The following PRKDC variants were observed in gnomAD, a reference collection of about 807,000 sequenced individuals.
PRKDC encodes the protein DNA-dependent protein kinase catalytic subunit.
Under a neutral mutation model 486.9 loss-of-function variants are expected in PRKDC, and 82 were observed. That is an observed-to-expected ratio of 0.17 (90% CI 0.14 to 0.20). The LOEUF (loss-of-function observed/expected upper bound fraction) is 0.20, where lower values mean the gene tolerates loss of function less well. Among genes scored for constraint, PRKDC ranks in the 10% least tolerant of loss-of-function variants. PRKDC has a pLI of 1.00. For synonymous variants in PRKDC, 1,895 were observed against 1,837.0 expected, an observed-to-expected ratio of 1.03 and a Z score of -0.81; for missense variants, 4,504 against 5,038.2, an observed-to-expected ratio of 0.89 and a Z score of 3.21.
Position 47,898,557 on chromosome 8 carries a change from T to G in PRKDC, c.3377A>C (p.Gln1126Pro). 3 of 1,483,798 alleles carry G rather than the reference T, an allele frequency of 2.0e-6. No individual in the cohort carries two copies. Among genetic ancestry groups the G allele is most frequent in the Non-Finnish European group, 2.7e-6 (3 of 1,097,134 alleles). 91.9% of individuals were successfully genotyped at this position (1,483,798 alleles called of 1,614,324 possible). ...TAGGTGATCAATGGCATCACAACAC[T>G]GTTGAATTGTACCTGTTCTCAAGTA... ...ADEKSLGTIQ[Q>P]CCDAIDHLCR... Residue 1126 changes from glutamine (Q) to proline (P), a missense_variant, in exon 29 of 86, where the codon CAG (glutamine) becomes CCG (proline). By Grantham distance (76) the Gln-to-Pro change is moderately conservative. Coordinates refer to ENST00000314191, the MANE Select transcript of PRKDC (RefSeq NM_006904.7).
intron 68 of PRKDC, among the ~76,000 whole-genome samples, chr8:47,811,287 C>A (rs758809217): frequency 6.6e-6 from 1 of 152,184 alleles, no homozygotes; most frequent in Non-Finnish European, 1.5e-5. Flanking sequence ...CAGGGAGAAT[C>A]TACCCAGATT....
rs986086869 is a variant in PRKDC at position 47,817,633 on chromosome 8, G to T, written c.9446-72C>A. The T allele has an allele frequency of 3.0e-6, 3 of 985,258 alleles. No individual in the cohort carries two copies. In the African/African-American group the frequency reaches 4.9e-5, roughly 16 times the overall value. The allele number at this position is 985,258 out of a possible 1,614,324, so 61.0% of individuals were successfully genotyped here. ...GATCAAATGACAAAGGTCATTATCA[G>T]TAAATAGAAAATTCAAACTTCCTGC... On this transcript the variant is annotated intron_variant, in intron 67 of 85. Coordinates refer to ENST00000314191, the MANE Select transcript of PRKDC (RefSeq NM_006904.7).
chr8:47,958,593 A>T (rs2090751681), intron 1 of PRKDC, among the ~76,000 whole-genome samples: 1 of 152,236 alleles, frequency 6.6e-6, no homozygotes, highest in Non-Finnish European at 1.5e-5. Flanking sequence ...ACAAGTTACT[A>T]AACGAACAAA....
intron 25 of PRKDC, among the ~76,000 whole-genome samples, chr8:47,912,099 T>C (rs758759971): frequency 2.6e-5 from 4 of 152,110 alleles, no homozygotes; most frequent in African/African-American, 4.8e-5. Flanking sequence ...CTTCCCTTTG[T>C]GAAAGACTAC....
intron 36 of PRKDC, 36 bp from the exon 37 acceptor site, chr8:47,882,133 T>G (rs761521298): frequency 6.4e-7 from 1 of 1,567,266 alleles, no homozygotes; most frequent in Non-Finnish European, 8.7e-7. Context: ...GAAAAATTCT[T>G]AATTTTGAGA....
chr8:47,835,785 C>T (rs2088007783), intron 58 of PRKDC, among the ~76,000 whole-genome samples: 1 of 150,282 alleles, frequency 6.7e-6, no homozygotes. Flanking sequence ...TTTTTTGAGA[C>T]AGGGCCTTGC....
intron 4 of PRKDC, among the ~76,000 whole-genome samples, chr8:47,954,712 CG>C (rs1030806512): frequency 6.6e-6 from 1 of 152,108 alleles, no homozygotes; most frequent in Non-Finnish European, 1.5e-5. Context: ...AGGTGTGTTA[CG>C]TTCCCAAGAA....
intron 46 of PRKDC, 30 bp from the exon 47 acceptor site, chr8:47,859,016 G>A (rs147838077): frequency 1.9e-6 from 3 of 1,608,926 alleles, no homozygotes; most frequent in Middle Eastern, 1.7e-4. Flanking sequence ...GGAGAGCAGA[G>A]GGTACAGTTA....
intron 63 of PRKDC, among the ~76,000 whole-genome samples, chr8:47,824,757 T>C (rs995138782): frequency 2.0e-5 from 3 of 152,208 alleles, no homozygotes; most frequent in African/African-American, 4.8e-5. Context: ...TCAATCAAGC[T>C]TCCCAGTCCA....
chr8:47,799,703 G>A (rs577249748), intron 71 of PRKDC, among the ~76,000 whole-genome samples: 15 of 152,294 alleles, frequency 9.8e-5, no homozygotes, highest in South Asian at 6.2e-4. Flanking sequence ...GATGGAAGTC[G>A]GCTCCTGCAC....
rs1242674826 is a variant in PRKDC at position 47,953,896 on chromosome 8, G to A, written c.532C>T (p.Leu178=). ...DTVLEKVYEL[L]GLLGEVHPSE... is the part of the protein sequence containing the mutation. ...GGATGAACTTCACCCAATAATCCTA[G>A]GAGCTCATATACTTTTTCTAAAACT... The change falls in exon 6 of 86, where the codon CTA becomes TTA. Residue 178 remains leucine (L), a synonymous_variant. Coordinates refer to ENST00000314191, the MANE Select transcript of PRKDC (RefSeq NM_006904.7). 1 of 1,551,562 alleles carries A rather than the reference G, an allele frequency of 6.4e-7. No homozygotes were observed. The highest frequency in any genetic ancestry group is 1.4e-5 in the African/African-American group (1 of 73,632).
chr8:47,854,050 C>A (rs542137451), intron 51 of PRKDC, 33 bp downstream of exon 51: 3 of 1,610,954 alleles, frequency 1.9e-6, no homozygotes, highest in Non-Finnish European at 1.7e-6. Flanking sequence ...TTTGGGTAGA[C>A]GTGACCTAAA....
rs574702636 is a variant in PRKDC, at chr8:47,823,817, T to G, written c.8922+41A>C. On this transcript the variant is annotated intron_variant, in intron 64 of 85. Coordinates refer to ENST00000314191, the MANE Select transcript of PRKDC (RefSeq NM_006904.7). ...GTCATAGTTCAGCAGAAAACAAAAGTGTTGAAGTAAATGTCATATTTTGCC... is the reference window on the plus strand; with the variant it reads ...GTCATAGTTCAGCAGAAAACAAAAGGGTTGAAGTAAATGTCATATTTTGCC... The G allele has an allele frequency of 8.1e-6, 13 of 1,606,952 alleles. No individual in the cohort carries two copies. In the Admixed American group the frequency reaches 8.4e-5, roughly 10 times the overall value.
chr8:47,805,566 T>C (rs193049751), intron 69 of PRKDC, among the ~76,000 whole-genome samples: 1 of 152,232 alleles, frequency 6.6e-6, no homozygotes, highest in Non-Finnish European at 1.5e-5. Flanking sequence ...AGGAAATAGT[T>C]TCTCCCATTA....
At chr8:47,905,264 A>G (rs912128289) in intron 25 of PRKDC, among the ~76,000 whole-genome samples, 1 of 152,076 alleles carries the variant, frequency 6.6e-6, no homozygotes, top group African/African-American at 2.4e-5. Flanking sequence ...CCTGGCCTCA[A>G]GTGATCCTCC....
chr8:47,928,674 TCCTAA>T (rs936003545), intron 19 of PRKDC, among the ~76,000 whole-genome samples: 9 of 151,690 alleles, frequency 5.9e-5, no homozygotes, highest in African/African-American at 2.2e-4. Flanking sequence ...TCCCCCAGCC[TCCTAA>T]CCTGACACAA....
chr8:47,957,472 G>A, intron 1 of PRKDC, 41 bp from the exon 2 acceptor site: 3 of 1,488,594 alleles, frequency 2.0e-6, no homozygotes, highest in Non-Finnish European at 2.8e-6. Flanking sequence ...AGAGTGCCAA[G>A]AGCATCATGT....
At chr8:47,828,105 T>C (rs2087777677) in intron 62 of PRKDC, 63 bp downstream of exon 62, 44 of 1,481,240 alleles carry the variant, frequency 3.0e-5, no homozygotes, top group Non-Finnish European at 4.1e-5. Context: ...ATAGTGATGA[T>C]GGAAAGGCCA....
At chr8:47,895,659 C>T (rs2089561639) in intron 30 of PRKDC, among the ~76,000 whole-genome samples, 2 of 152,274 alleles carry the variant, frequency 1.3e-5, no homozygotes, top group East Asian at 1.9e-4. Flanking sequence ...GCCACTGGTC[C>T]ACTCTTCAAT....
Sources: gnomAD v4.1 joint callset for allele counts (sites outside exome capture counted in the v4.1 genomes callset) on GRCh38, gnomAD v4.1.1 for gene constraint, MANE v1.5 for transcripts, NCBI Gene and HGNC (gene_info 2026-07-23, HGNC 2026-07-21) for gene names.